Variants in WNK2 observed in about 807,000 individuals in gnomAD.
WNK2 encodes serine/threonine-protein kinase WNK2.
Under a neutral mutation model 192.1 loss-of-function variants are expected in WNK2, and 67 were observed. That is an observed-to-expected ratio of 0.35 (90% CI 0.29 to 0.43). WNK2 has a LOEUF of 0.43. WNK2 is among the 20% of genes least tolerant of loss of function. WNK2 has a pLI of 1.00. For missense variants in WNK2, 2,698 were observed against 3,089.7 expected, an observed-to-expected ratio of 0.87 and a Z score of 3.01; for synonymous variants, 1,439 against 1,393.9, an observed-to-expected ratio of 1.03 and a Z score of -0.72.
intron 26 of WNK2, among the ~76,000 whole-genome samples, chr9:93,305,965 C>T (rs2134208869): frequency 6.6e-6 from 1 of 152,176 alleles, no homozygotes; most frequent in African/African-American, 2.4e-5. Flanking sequence ...ATGGCCGTGC[C>T]TTCCGGCCCA....
chr9:93,240,425 C>T (rs1248017999), intron 7 of WNK2, among the ~76,000 whole-genome samples: 1 of 152,116 alleles, frequency 6.6e-6, no homozygotes, highest in Non-Finnish European at 1.5e-5. Context: ...TGGGACTTTT[C>T]CACCTAGAAA....
At chr9:93,268,941 C>T (rs116057316) in intron 19 of WNK2, 195 bp downstream of exon 19, 7 of 1,552,656 alleles carry the variant, frequency 4.5e-6, no homozygotes, top group Non-Finnish European at 6.1e-6. Flanking sequence ...TCAGTCAAAG[C>T]AGCCTCCAGG....
chr9:93,295,157 G>C (rs149416523), intron 23 of WNK2, among the ~76,000 whole-genome samples: 109 of 152,320 alleles, frequency 7.2e-4, no homozygotes, highest in Non-Finnish European at 1.1e-3. Flanking sequence ...GCTTGGAGTG[G>C]TCCAGGGCAC....
Position 93,239,825 on chromosome 9 carries a change from C to A in WNK2, c.1391C>A (p.Ala464Glu), listed in dbSNP as rs1368985053. The A allele has an allele frequency of 1.3e-6, 2 of 1,587,374 alleles. No individual in the cohort carries two copies. The highest frequency in any genetic ancestry group is 1.7e-6 in the Non-Finnish European group (2 of 1,167,390). Reference protein sequence around the residue: ...AEDTGVRVELAEEDHGRKSTI... With the variant: ...AEDTGVRVELEEEDHGRKSTI... ...GACACAGGCGTGAGGGTGGAGCTCGCGGAGGAGGACCACGGCAGGAAGTCC... is the reference window on the plus strand; with the variant it reads ...GACACAGGCGTGAGGGTGGAGCTCGAGGAGGAGGACCACGGCAGGAAGTCC... The change falls in exon 7 of 30, where the codon GCG (alanine) becomes GAG (glutamate). Residue 464 changes from alanine to glutamate, a missense_variant. Physicochemically the swap from Ala to Glu is moderately radical, Grantham distance 107. Transcript: ENST00000427277. This position sits in a 1 kb window ranked among gnomAD's most constrained non-coding sequence, Gnocchi z 4.2.
At chr9:93,255,560 G>A (rs1417912105) in intron 9 of WNK2, among the ~76,000 whole-genome samples, 5 of 152,152 alleles carry the variant, frequency 3.3e-5, no homozygotes, top group Non-Finnish European at 7.4e-5. Flanking sequence ...GCAGTTTTGG[G>A]CATGCCATCA....
intron 2 of WNK2, among the ~76,000 whole-genome samples, chr9:93,216,904 A>C (rs942840435): frequency 6.6e-6 from 1 of 152,194 alleles, no homozygotes; most frequent in South Asian, 2.1e-4. Context: ...AATTTAGTAT[A>C]TCTAAAATAT....
At chr9:93,290,387 T>C (rs565754463) in intron 21 of WNK2, among the ~76,000 whole-genome samples, 37 of 152,176 alleles carry the variant, frequency 2.4e-4, no homozygotes, top group African/African-American at 7.9e-4. Flanking sequence ...GTGTATCTCA[T>C]GTGTGACCCA....
chr9:93,237,394 C>A (rs1368284321), intron 5 of WNK2, among the ~76,000 whole-genome samples: 2 of 152,172 alleles, frequency 1.3e-5, no homozygotes, highest in Non-Finnish European at 2.9e-5. Context: ...TGCATCACAT[C>A]TTCAGGTTCA....
intron 24 of WNK2, 114 bp downstream of exon 24, chr9:93,298,181 G>A: frequency 1.7e-6 from 2 of 1,144,568 alleles, no homozygotes; most frequent in Non-Finnish European, 2.5e-6. Flanking sequence ...ACCACTCGGG[G>A]TTATCTCCTT....
chr9:93,203,455 G>T (rs1183665564), intron 2 of WNK2, among the ~76,000 whole-genome samples: 1 of 152,198 alleles, frequency 6.6e-6, no homozygotes, highest in African/African-American at 2.4e-5. Context: ...CAGCTCTGGG[G>T]AGCCGGGAGA....
chr9:93,218,853 C>G (rs2131730272), intron 2 of WNK2, among the ~76,000 whole-genome samples: 1 of 152,358 alleles, frequency 6.6e-6, no homozygotes, highest in African/African-American at 2.4e-5. Context: ...CCAGGGACCC[C>G]TTGCCTGGCT....
chr9:93,210,135 G>A (rs1435741013), intron 2 of WNK2, among the ~76,000 whole-genome samples: 2 of 152,168 alleles, frequency 1.3e-5, no homozygotes, highest in Admixed American at 6.5e-5. Context: ...CTGATCTGCC[G>A]ACGGCCTCAT....
chr9:93,269,159 C>T (rs1256420797), intron 19 of WNK2, among the ~76,000 whole-genome samples: 1 of 152,002 alleles, frequency 6.6e-6, no homozygotes, highest in Non-Finnish European at 1.5e-5. Flanking sequence ...CCTGTTGGTG[C>T]TGAGACTCTG....
chr9:93,247,872 C>T lies in WNK2; in HGVS notation c.1834+38C>T. On this transcript the variant is annotated intron_variant, in intron 8 of 29. Transcript: ENST00000427277. This position sits in a 1 kb window ranked among gnomAD's most constrained non-coding sequence, Gnocchi z 5.2. ...GGGTGGGATGGCCATGGGCACCCCT[C>T]CCACCTACCCTGCAAAAACCAGCTA... is the stretch of plus-strand genomic sequence containing the variant. 6.6e-7 allele frequency: 1 copy of T among 1,517,610 alleles called. No individual in the cohort carries two copies. The highest frequency in any genetic ancestry group is 8.8e-7 in the Non-Finnish European group (1 of 1,138,804). 94.0% of individuals were successfully genotyped at this position (1,517,610 alleles called of 1,614,324 possible). A position where few individuals can be genotyped will look rare whatever the true frequency, so the allele number is the denominator to read the frequency against.
chr9:93,259,435 C>T lies in WNK2; in HGVS notation c.2887C>T (p.Pro963Ser). The stretch of plus-strand genomic sequence containing the variant: ...CGTGCTGCCCCCGCAACCCACGCTG[C>T]CCCCTCAACCTGTGTTGCCCCCGCA... Reference protein sequence around the residue: ...QPVLPPQPTLPPQPVLPPQPT... With the variant: ...QPVLPPQPTLSPQPVLPPQPT... The change falls in exon 12 of 30, where the codon CCC (proline) becomes TCC (serine). Residue 963 changes from proline (P) to serine (S), a missense_variant. Pro to Ser is a moderately conservative substitution (Grantham distance 74). Coordinates refer to ENST00000427277, the MANE Select transcript of WNK2 (RefSeq NM_006648.4). The surrounding 1 kb of genome is among the most constrained non-coding windows in gnomAD (Gnocchi z 4.8). The T allele has an allele frequency of 2.2e-6, 3 of 1,386,530 alleles. No individual in the cohort carries two copies. The highest frequency in any genetic ancestry group is 1.5e-5 in the African/African-American group (1 of 66,046). The allele number at this position is 1,386,530 out of a possible 1,614,324, so 85.9% of individuals were successfully genotyped here. A position where few individuals can be genotyped will look rare whatever the true frequency, so the allele number is the denominator to read the frequency against.
At chr9:93,260,494 A>T (rs1319445156) in intron 12 of WNK2, among the ~76,000 whole-genome samples, 2 of 152,112 alleles carry the variant, frequency 1.3e-5, no homozygotes, top group Non-Finnish European at 2.9e-5. Context: ...TTTGAGCCTC[A>T]GCCTCCGCAG....
intron 8 of WNK2, among the ~76,000 whole-genome samples, chr9:93,250,382 T>C (rs1842414273): frequency 6.6e-6 from 1 of 152,252 alleles, no homozygotes; most frequent in Non-Finnish European, 1.5e-5. Context: ...TCTGCATTCA[T>C]ACATGAATAT....
chr9:93,202,327 T>TGTGCAC (rs968924699), intron 2 of WNK2, among the ~76,000 whole-genome samples: 342 of 107,098 alleles, frequency 3.2e-3, no homozygotes, highest in African/African-American at 0.013. Flanking sequence ...CGTGTGCACG[T>TGTGCAC]GTGTGTGTGT....
intron 26 of WNK2, among the ~76,000 whole-genome samples, chr9:93,301,402 A>C (rs1040749909): frequency 4.6e-5 from 7 of 152,160 alleles, no homozygotes; most frequent in Admixed American, 6.5e-5. Context: ...TTCTCCGGGC[A>C]GGCAATTCGA....
Sources: gnomAD v4.1 joint callset for allele counts (sites outside exome capture counted in the v4.1 genomes callset) on GRCh38, gnomAD v4.1.1 for gene constraint, Gnocchi (gnomAD v3.1) non-coding constraint, MANE v1.5 for transcripts, NCBI Gene and HGNC (gene_info 2026-07-23, HGNC 2026-07-21) for gene names.